Variants in NTRK2 observed in about 807,000 individuals in gnomAD.
The protein encoded by NTRK2 is neurotrophic receptor tyrosine kinase 2.
Under a neutral mutation model 94.5 loss-of-function variants are expected in NTRK2, and 13 were observed. That is an observed-to-expected ratio of 0.14 (90% CI 0.09 to 0.22). The LOEUF (loss-of-function observed/expected upper bound fraction) is 0.22, where lower values mean the gene tolerates loss of function less well. NTRK2 is among the 10% of genes least tolerant of loss of function. NTRK2 has a pLI of 1.00. For synonymous variants in NTRK2, 372 were observed against 407.4 expected, an observed-to-expected ratio of 0.91 and a Z score of 1.05; for missense variants, 639 against 1,071.2, an observed-to-expected ratio of 0.60 and a Z score of 5.63.
chr9:84,904,652 A>T (rs192939648), intron 14 of NTRK2, among the ~76,000 whole-genome samples: 4 of 152,194 alleles, frequency 2.6e-5, no homozygotes, highest in Admixed American at 1.3e-4. Flanking sequence ...TATGGGAGGT[A>T]TTTCTGTCAT....
At chr9:84,853,694 T>C (rs1436667263) in intron 12 of NTRK2, among the ~76,000 whole-genome samples, 1 of 152,190 alleles carries the variant, frequency 6.6e-6, no homozygotes, top group Non-Finnish European at 1.5e-5. Context: ...TAGCAAATGC[T>C]GTTGGCGTCA....
chr9:84,680,795 C>T (rs1010196914), intron 2 of NTRK2, among the ~76,000 whole-genome samples: 6 of 152,160 alleles, frequency 3.9e-5, no homozygotes, highest in African/African-American at 1.4e-4. Flanking sequence ...TTTTCAAACT[C>T]ACTTCACCAT....
At chr9:84,823,237 A>T (rs1348247683) in intron 12 of NTRK2, among the ~76,000 whole-genome samples, 4 of 152,226 alleles carry the variant, frequency 2.6e-5, no homozygotes, top group Non-Finnish European at 5.9e-5. Context: ...TTTCTCGCCT[A>T]CATACTAAAA....
intron 14 of NTRK2, among the ~76,000 whole-genome samples, chr9:84,882,142 C>T (rs988997684): frequency 3.9e-5 from 6 of 152,060 alleles, no homozygotes; most frequent in African/African-American, 1.2e-4. Flanking sequence ...ACACTGAATT[C>T]GTGCCCGTCT....
rs550419992 is a variant in NTRK2, at chr9:84,704,448, G to A, written c.359+2029G>A. Among the ~76,000 whole-genome samples the A allele has an allele frequency of 7.9e-5, 12 of 151,630 alleles. No individual in the cohort carries two copies. The South Asian group carries it at 2.3e-3, about 29-fold the overall frequency. Reference sequence around the variant, plus strand: ...TCACCGCATTAGCCAGGATGGTCTCGATCTCCTGACCTTGTGATCTGCCCA... The same window carrying A: ...TCACCGCATTAGCCAGGATGGTCTCAATCTCCTGACCTTGTGATCTGCCCA... On this transcript the variant is annotated intron_variant, in intron 4 of 18. Transcript: ENST00000277120.
chr9:84,757,966 C>A (rs1037587633), intron 12 of NTRK2, among the ~76,000 whole-genome samples: 4 of 151,896 alleles, frequency 2.6e-5, no homozygotes, highest in African/African-American at 7.3e-5. Flanking sequence ...GTAAGGATAC[C>A]CTTTCATTTC....
intron 14 of NTRK2, among the ~76,000 whole-genome samples, chr9:84,922,063 A>G (rs1203048817): frequency 6.6e-6 from 1 of 152,190 alleles, no homozygotes. Flanking sequence ...GTGTGTGAAG[A>G]TATGACTTAG....
In NTRK2 at chr9:84,814,508, A is replaced by G. The variant is rs1403528816; in HGVS notation, c.1397-46532A>G. On this transcript the variant is annotated intron_variant, in intron 12 of 18. Transcript: ENST00000277120. Reference sequence around the variant, plus strand: ...CCAACTGAGAATTTATTTTTGTTTCATTGGTTGTTTCACAGAATTAGAACA... The same window carrying G: ...CCAACTGAGAATTTATTTTTGTTTCGTTGGTTGTTTCACAGAATTAGAACA... 5 of 1,065,208 alleles carry G rather than the reference A, an allele frequency of 4.7e-6. No homozygotes were observed. In the South Asian group the frequency reaches 1.4e-4, roughly 29 times the overall value. 66.0% of individuals were successfully genotyped at this position (1,065,208 alleles called of 1,614,324 possible).
chr9:84,788,296 A>G (rs1010391980), intron 12 of NTRK2, among the ~76,000 whole-genome samples: 2 of 152,232 alleles, frequency 1.3e-5, no homozygotes, highest in African/African-American at 4.8e-5. Flanking sequence ...TGAAATTAAC[A>G]AAAAAGTATA....
chr9:84,895,644 C>T (rs1276057675), intron 14 of NTRK2, among the ~76,000 whole-genome samples: 3 of 152,178 alleles, frequency 2.0e-5, no homozygotes, highest in African/African-American at 7.2e-5. Flanking sequence ...TGATGGCATT[C>T]AATTATGGGC....
intron 17 of NTRK2, among the ~76,000 whole-genome samples, chr9:84,961,526 A>G (rs1588055365): frequency 1.3e-5 from 2 of 152,206 alleles, no homozygotes; most frequent in South Asian, 4.1e-4. Flanking sequence ...AAGGTTCTAA[A>G]TTGGTTTAAT....
At chr9:84,675,430 C>T (rs1587851606) in intron 2 of NTRK2, among the ~76,000 whole-genome samples, 2 of 143,674 alleles carry the variant, frequency 1.4e-5, no homozygotes, top group African/African-American at 2.6e-5. Flanking sequence ...ATTATCAAAC[C>T]ATTATTGAAT....
Position 84,797,650 on chromosome 9 carries a change from A to ATATT in NTRK2, c.1396+45565_1396+45566insTATT, listed in dbSNP as rs1222559882. ...TATTATATATTATATATACTATAAT[A>ATATT]ATATATATATTATATATTATATATT... On this transcript the variant is annotated intron_variant, in intron 12 of 18. Transcript: ENST00000277120. Among the ~76,000 whole-genome samples, 84 of 46,332 alleles carry ATATT rather than the reference A, an allele frequency of 1.8e-3. 3 individuals carry two copies. Among genetic ancestry groups the ATATT allele is most frequent in the East Asian group, 0.018 (37 of 2,056 alleles). 30.4% of individuals were successfully genotyped at this position (46,332 alleles called of 152,430 possible).
intron 4 of NTRK2, among the ~76,000 whole-genome samples, chr9:84,704,225 C>CTTTTTTT (rs773413015): frequency 3.8e-4 from 36 of 93,706 alleles, no homozygotes; most frequent in Non-Finnish European, 4.5e-4. Context: ...TGGTGGTATT[C>CTTTTTTT]TTTTTTTTTT....
At chr9:84,735,095 TA>T (rs1228758228) in intron 9 of NTRK2, among the ~76,000 whole-genome samples, 4 of 152,094 alleles carry the variant, frequency 2.6e-5, no homozygotes, top group Admixed American at 1.3e-4. Flanking sequence ...TGTGTTTCAT[TA>T]AAAAAATTGT....
intron 17 of NTRK2, among the ~76,000 whole-genome samples, chr9:84,965,623 T>G (rs747004475): frequency 7.2e-5 from 11 of 152,212 alleles, no homozygotes; most frequent in South Asian, 2.1e-4. Flanking sequence ...TTTGGGAGGA[T>G]GTAGAAGTTC....
At chr9:84,910,551 C>T (rs1216039274) in intron 14 of NTRK2, among the ~76,000 whole-genome samples, 1 of 152,138 alleles carries the variant, frequency 6.6e-6, no homozygotes, top group Non-Finnish European at 1.5e-5. Context: ...TCTTAGAAAT[C>T]CTAACCTTAA....
At chr9:84,726,728 C>A (rs1043525441) in intron 8 of NTRK2, among the ~76,000 whole-genome samples, 1 of 152,184 alleles carries the variant, frequency 6.6e-6, no homozygotes, top group Non-Finnish European at 1.5e-5. Flanking sequence ...CACTTAACCT[C>A]ATTGCACTTT....
At chr9:84,774,791 A>G (rs960784598) in intron 12 of NTRK2, among the ~76,000 whole-genome samples, 1 of 152,252 alleles carries the variant, frequency 6.6e-6, no homozygotes, top group African/African-American at 2.4e-5. Flanking sequence ...CAAAAGAAAT[A>G]GTCACTAACA....
Sources: gnomAD v4.1 joint callset for allele counts (sites outside exome capture counted in the v4.1 genomes callset) on GRCh38, gnomAD v4.1.1 for gene constraint, MANE v1.5 for transcripts, NCBI Gene and HGNC (gene_info 2026-07-23, HGNC 2026-07-21) for gene names.